The following COG2 variants were observed in gnomAD, a reference collection of about 807,000 sequenced individuals.
COG2 encodes the protein conserved oligomeric Golgi complex subunit 2.
COG2 carries 52 observed loss-of-function variants against 90.6 expected under a neutral mutation model. The observed-to-expected ratio is 0.57, with a 90% CI of 0.46 to 0.72. The LOEUF (loss-of-function observed/expected upper bound fraction) is 0.72. COG2 is among the 30% of genes least tolerant of loss of function. The pLI, the probability that COG2 is intolerant of heterozygous loss-of-function variation, is 0.00. For missense variants in COG2, 829 were observed against 891.2 expected, an observed-to-expected ratio of 0.93 and a Z score of 0.89; for synonymous variants, 337 against 320.4, an observed-to-expected ratio of 1.05 and a Z score of -0.55.
At chr1:230,643,689 T>C (rs1661685197) in intron 1 of COG2, among the ~76,000 whole-genome samples, 1 of 152,218 alleles carries the variant, frequency 6.6e-6, no homozygotes, top group African/African-American at 2.4e-5. Flanking sequence ...TCTTCTCCAG[T>C]GTGACCATAT....
chr1:230,673,167 G>A (rs1306337669), intron 8 of COG2, among the ~76,000 whole-genome samples: 2 of 152,210 alleles, frequency 1.3e-5, no homozygotes, highest in Admixed American at 1.3e-4. Context: ...GACAGGGCCA[G>A]TCTGGGTCCA....
At chr1:230,674,664 T>C (rs537887194) in intron 8 of COG2, among the ~76,000 whole-genome samples, 18 of 152,324 alleles carry the variant, frequency 1.2e-4, no homozygotes, top group African/African-American at 4.3e-4. Context: ...ATTAGACTAC[T>C]GTACTTTTTG....
chr1:230,658,623 A>T lies in COG2; in HGVS notation c.73-841A>T, dbSNP rs377375876. ...CTCTCTCTAGAGCCATCAAGCAGTG[A>T]CGTTTAAGTCTGCTGAAGCTGCACC... On this transcript the variant is annotated intron_variant, in intron 1 of 17. Coordinates refer to ENST00000366669, the MANE Select transcript of COG2 (RefSeq NM_007357.3). Among the ~76,000 whole-genome samples, 4 of 152,120 alleles carry T rather than the reference A, an allele frequency of 2.6e-5. No homozygotes were observed. In the East Asian group the frequency reaches 7.7e-4, roughly 29 times the overall value.
chr1:230,689,178 A>T (rs1324656436), intron 15 of COG2, among the ~76,000 whole-genome samples: 1 of 148,074 alleles, frequency 6.8e-6, no homozygotes, highest in Non-Finnish European at 1.5e-5. Context: ...ACACAAAAAA[A>T]GTTTTTATTA....
At chr1:230,676,072 C>G (rs571594358) in intron 9 of COG2, among the ~76,000 whole-genome samples, 16 of 152,264 alleles carry the variant, frequency 1.1e-4, no homozygotes, top group South Asian at 6.2e-4. Context: ...AAGGCTCAGC[C>G]TCTTGGCACT....
chr1:230,664,459 T>G (rs1662265716), intron 4 of COG2, 25 bp from the exon 5 acceptor site: 4 of 1,056,778 alleles, frequency 3.8e-6, no homozygotes, highest in Non-Finnish European at 4.1e-6. Context: ...TGACAATAAC[T>G]TTTTTCCTTA....
At chr1:230,643,332 C>T (rs913292250) in intron 1 of COG2, among the ~76,000 whole-genome samples, 1 of 152,224 alleles carries the variant, frequency 6.6e-6, no homozygotes, top group African/African-American at 2.4e-5. Flanking sequence ...TAAAGTTCAT[C>T]AGGCACAGCC....
At position 230,690,103 on chromosome 1, in the gene COG2, A is replaced by G; in HGVS notation, c.1884A>G (p.Gln628=). The stretch of plus-strand genomic sequence containing the variant: ...GCGGACACAAGGATAAGCTCAAACA[A>G]GCAATAATTCAGCAGTGGCTAGAAG... ...LQSGHKDKLK[Q]AIIQQWLEGT... The change falls in exon 16 of 18, where the codon CAA becomes CAG. Residue 628 remains glutamine (Q), a synonymous_variant. Coordinates refer to ENST00000366669, the MANE Select transcript of COG2 (RefSeq NM_007357.3). 6.2e-7 allele frequency: 1 copy of G among 1,613,782 alleles called. No homozygotes were observed. Among genetic ancestry groups the G allele is most frequent in the Non-Finnish European group, 8.5e-7 (1 of 1,179,842 alleles).
chr1:230,690,383 A>G (rs1571966336), intron 16 of COG2: 3 of 426,234 alleles, frequency 7.0e-6, no homozygotes, highest in East Asian at 4.1e-5. Context: ...GGGCCGGGCC[A>G]TGTGCACAGT....
intron 1 of COG2, among the ~76,000 whole-genome samples, chr1:230,649,790 G>A (rs2102742040): frequency 6.6e-6 from 1 of 152,230 alleles, no homozygotes; most frequent in Non-Finnish European, 1.5e-5. Context: ...GTGTGTAATG[G>A]TGAGGTTTGT....
At chr1:230,669,837 C>A in intron 7 of COG2, 1 of 262,898 alleles carries the variant, frequency 3.8e-6, no homozygotes, top group Non-Finnish European at 7.3e-6. Context: ...GATGGTTCCT[C>A]AGTAATTGTT....
At chr1:230,642,760 C>T in intron 1 of COG2, 82 bp downstream of exon 1, 1 of 1,324,986 alleles carries the variant, frequency 7.5e-7, no homozygotes, top group Non-Finnish European at 1.0e-6. Context: ...CTTCGGTCGG[C>T]TGCTCCTGCC....
chr1:230,683,367 A>AC (rs1662801514), intron 10 of COG2: 2 of 495,928 alleles, frequency 4.0e-6, no homozygotes, highest in South Asian at 5.3e-5. Flanking sequence ...ATAACAGAGA[A>AC]CCCTTATATA....
At chr1:230,665,405 TC>T (rs1201995358) in intron 5 of COG2, among the ~76,000 whole-genome samples, 1 of 152,184 alleles carries the variant, frequency 6.6e-6, no homozygotes, top group Non-Finnish European at 1.5e-5. Context: ...ATCATACTTT[TC>T]CTTGACTAAT....
Position 230,690,318 on chromosome 1 carries a change from C to G in COG2, c.1934+165C>G, listed in dbSNP as rs1470163303. The G allele has an allele frequency of 8.2e-6, 5 of 607,774 alleles. No homozygotes were observed. The African/African-American group carries it at 9.6e-5, about 12-fold the overall frequency. The allele number at this position is 607,774 out of a possible 1,614,324, so 37.6% of individuals were successfully genotyped here. ...TCCCACTGTTTGCTTCCTCCCTCCC[C>G]ACACCCTTGTGGACGGCCTGTGGGC... On this transcript the variant is annotated intron_variant, in intron 16 of 17. Transcript: ENST00000366669.
At chr1:230,683,693 C>A in intron 11 of COG2, 58 bp downstream of exon 11, 2 of 1,141,274 alleles carry the variant, frequency 1.8e-6, no homozygotes, top group Non-Finnish European at 2.7e-6. Context: ...TTCAGTTCAC[C>A]AAGTCATCTG....
chr1:230,644,271 A>G (rs576430535), intron 1 of COG2, among the ~76,000 whole-genome samples: 55 of 152,372 alleles, frequency 3.6e-4, no homozygotes, highest in African/African-American at 1.3e-3. Context: ...CATACATAGA[A>G]GAAAATACAT....
intron 1 of COG2, among the ~76,000 whole-genome samples, chr1:230,654,072 G>A (rs1661986832): frequency 6.6e-6 from 1 of 152,166 alleles, no homozygotes; most frequent in Non-Finnish European, 1.5e-5. Context: ...TAGGTTGCCT[G>A]TTCACTCTGA....
intron 15 of COG2, 140 bp from the exon 16 acceptor site, chr1:230,689,874 C>A (rs773719420): frequency 2.3e-5 from 18 of 793,842 alleles, no homozygotes; most frequent in Non-Finnish European, 3.1e-5. Flanking sequence ...CCCAGTGTTA[C>A]TTTTGGGAGG....
Sources: gnomAD v4.1 joint callset for allele counts (sites outside exome capture counted in the v4.1 genomes callset) on GRCh38, gnomAD v4.1.1 for gene constraint, MANE v1.5 for transcripts, NCBI Gene and HGNC (gene_info 2026-07-23, HGNC 2026-07-21) for gene names.